Variants in ADGRV1 observed in about 807,000 individuals in gnomAD.
ADGRV1 encodes adhesion G protein-coupled receptor V1.
ADGRV1 carries 359 observed loss-of-function variants against 596.2 expected under a neutral mutation model. That is an observed-to-expected ratio of 0.60 (90% CI 0.55 to 0.66). The LOEUF is 0.66. ADGRV1 is among the 30% of genes least tolerant of loss of function. The pLI is 0.00. For synonymous variants in ADGRV1, 2,681 were observed against 2,679.2 expected (o/e 1.00, Z -0.02); for missense variants, 7,274 against 7,575.6 (o/e 0.96, Z 1.48).
chr5:90,742,015 A>G (rs1754021375), intron 50 of ADGRV1, among the ~76,000 whole-genome samples: 1 of 152,232 alleles, frequency 6.6e-6, no homozygotes, highest in East Asian at 1.9e-4. Context: ...AAGGACATAC[A>G]AACTTATCTT....
intron 87 of ADGRV1, among the ~76,000 whole-genome samples, chr5:91,120,530 A>G (rs1490678534): frequency 6.6e-6 from 1 of 152,034 alleles, no homozygotes; most frequent in Non-Finnish European, 1.5e-5. Flanking sequence ...TCTACACTGA[A>G]CATTTTTTTT....
At chr5:91,091,961 A>G (rs1002642484) in intron 86 of ADGRV1, among the ~76,000 whole-genome samples, 23 of 152,138 alleles carry the variant, frequency 1.5e-4, no homozygotes, top group African/African-American at 4.3e-4. Flanking sequence ...GTCTAATCAG[A>G]TATCTGGGCT....
At chr5:90,792,176 A>G (rs1760153232) in intron 70 of ADGRV1, 1 of 152,204 alleles carries the variant, frequency 6.6e-6, no homozygotes, top group Non-Finnish European at 1.5e-5. Context: ...AAAAAGGAGA[A>G]TATATTCTCT....
chr5:90,696,594 A>G (rs950474439), intron 33 of ADGRV1, among the ~76,000 whole-genome samples: 13 of 152,096 alleles, frequency 8.5e-5, no homozygotes, highest in African/African-American at 3.1e-4. Context: ...TCTAAACAGG[A>G]TATCTTTGGA....
At chr5:90,790,824 C>A in intron 69 of ADGRV1, 49 bp from the exon 70 acceptor site, 2 of 1,188,356 alleles carry the variant, frequency 1.7e-6, no homozygotes, top group Non-Finnish European at 2.4e-6. Context: ...GAATTTGGTG[C>A]AATATACTGA....
At chr5:90,835,243 A>G (rs1178210449) in intron 77 of ADGRV1, among the ~76,000 whole-genome samples, 1 of 152,222 alleles carries the variant, frequency 6.6e-6, no homozygotes, top group African/African-American at 2.4e-5. Flanking sequence ...TTGCAGCCAT[A>G]TCTGCATTAG....
chr5:90,749,250 T>G (rs903988220), intron 52 of ADGRV1, among the ~76,000 whole-genome samples: 3 of 152,236 alleles, frequency 2.0e-5, no homozygotes, highest in Non-Finnish European at 4.4e-5. Flanking sequence ...AGGTCTTTGA[T>G]GTCTGGACAA....
chr5:90,645,118 T>C (rs1251208165), intron 15 of ADGRV1, among the ~76,000 whole-genome samples: 22 of 152,346 alleles, frequency 1.4e-4, no homozygotes, highest in Non-Finnish European at 1.5e-5. Context: ...GGATTCTTAG[T>C]TGGAGAGGCG....
At position 91,029,988 on chromosome 5, in the gene ADGRV1, G is replaced by T. The variant is rs72784633; in HGVS notation, c.18153-42459G>T. Among the ~76,000 whole-genome samples the T allele has an allele frequency of 7.8e-3, 1,191 of 152,100 alleles. 5 individuals are homozygous for T. The highest frequency in any genetic ancestry group is 0.012 in the Non-Finnish European group (839 of 67,928). On this transcript the variant is annotated intron_variant, in intron 85 of 89. Transcript: ENST00000405460. Reference sequence around the variant, plus strand: ...TATTTTGTGAATGGTGTCAAAGAGGGATCTACTTTTTAAAAATAATAACCA... The same window carrying T: ...TATTTTGTGAATGGTGTCAAAGAGGTATCTACTTTTTAAAAATAATAACCA...
At chr5:90,652,099 G>A (rs1768715171) in intron 18 of ADGRV1, among the ~76,000 whole-genome samples, 1 of 152,064 alleles carries the variant, frequency 6.6e-6, no homozygotes, top group South Asian at 2.1e-4. Flanking sequence ...AGTATTTTTT[G>A]ATGGAGCTTA....
At chr5:90,818,962 G>A (rs1293377392) in intron 75 of ADGRV1, among the ~76,000 whole-genome samples, 13 of 151,754 alleles carry the variant, frequency 8.6e-5, no homozygotes, top group East Asian at 1.9e-4. Flanking sequence ...CTCTTTTTCT[G>A]TTGATTGGAA....
intron 85 of ADGRV1, among the ~76,000 whole-genome samples, chr5:91,054,171 G>A (rs535365622): frequency 7.9e-5 from 12 of 151,380 alleles, no homozygotes; most frequent in South Asian, 6.3e-4. Flanking sequence ...AGAGCAAACC[G>A]GGATGAATGT....
intron 21 of ADGRV1, among the ~76,000 whole-genome samples, chr5:90,667,826 A>T (rs1296107950): frequency 6.6e-6 from 1 of 151,980 alleles, no homozygotes; most frequent in Non-Finnish European, 1.5e-5. Flanking sequence ...TTTCCTTCTA[A>T]CAGACAGGAC....
intron 61 of ADGRV1, 132 bp downstream of exon 61, chr5:90,776,708 C>A: frequency 9.9e-7 from 1 of 1,009,428 alleles, no homozygotes; most frequent in Non-Finnish European, 1.5e-6. Context: ...TGTTAACATC[C>A]TGTGGAGAGG....
chr5:90,822,874 T>G (rs1763708841), intron 75 of ADGRV1, among the ~76,000 whole-genome samples: 1 of 152,156 alleles, frequency 6.6e-6, no homozygotes. Flanking sequence ...CCTAGGTATT[T>G]TATTCTCTTT....
At position 90,745,043 on chromosome 5, in the gene ADGRV1, C is replaced by T. The variant is rs1194245232; in HGVS notation, c.10550-3C>T. 1.2e-6 allele frequency: 2 copies of T among 1,610,106 alleles called. No individual in the cohort carries two copies. On this transcript the variant is annotated splice_polypyrimidine_tract_variant and splice_region_variant and intron_variant, in intron 50 of 89. Transcript: ENST00000405460. ...CAAGTTGTTTTTTCTTTCCTTCCTG[C>T]AGCCCACATACTTCTTATTGGCCAA...
chr5:91,157,044 CT>C (rs754841765), intron 89 of ADGRV1, among the ~76,000 whole-genome samples: 89 of 152,330 alleles, frequency 5.8e-4, no homozygotes, highest in Non-Finnish European at 4.0e-4. Context: ...ATAGCAGCCC[CT>C]TTGGACATGA....
intron 3 of ADGRV1, 51 bp downstream of exon 3, chr5:90,618,004 T>A (rs1714676266): frequency 7.1e-7 from 1 of 1,400,504 alleles, no homozygotes; most frequent in African/African-American, 1.5e-5. Flanking sequence ...CTTATAAAAC[T>A]TATAAAAATC....
rs1406595469 is a variant in ADGRV1 at position 90,752,632 on chromosome 5, C to A, written c.11122-942C>A. Among the ~76,000 whole-genome samples the A allele has an allele frequency of 2.6e-5, 4 of 152,196 alleles. No homozygotes were observed. In the East Asian group the frequency reaches 7.7e-4, roughly 29 times the overall value. On this transcript the variant is annotated intron_variant, in intron 53 of 89. Coordinates refer to ENST00000405460, the MANE Select transcript of ADGRV1 (RefSeq NM_032119.4). ...CATGTCCCTGCAAAAGACATGATCT[C>A]ATTTTTCTTTTATGGCTGCATACCT...
Sources: gnomAD v4.1 joint callset for allele counts (sites outside exome capture counted in the v4.1 genomes callset) on GRCh38, gnomAD v4.1.1 for gene constraint, MANE v1.5 for transcripts, NCBI Gene and HGNC (gene_info 2026-07-23, HGNC 2026-07-21) for gene names.